The following WDFY2 variants were observed in gnomAD, a reference collection of about 807,000 sequenced individuals.
WDFY2 encodes the protein WD repeat and FYVE domain containing 2.
WDFY2 carries 36 observed loss-of-function variants against 56.4 expected under a neutral mutation model. That is an observed-to-expected ratio of 0.64 (90% CI 0.49 to 0.84). The LOEUF is 0.84. Ranked by LOEUF, WDFY2 falls within the 40% of genes least tolerant of loss-of-function variation. The probability of loss-of-function intolerance (pLI) is 0.00; values close to 1 mark genes in which losing one functional copy is unlikely to be tolerated. For missense variants in WDFY2, 444 were observed against 512.2 expected (o/e 0.87, Z 1.29); for synonymous variants, 176 against 183.7 (o/e 0.96, Z 0.34).
intron 1 of WDFY2, among the ~76,000 whole-genome samples, chr13:51,600,043 C>T (rs1308791521): frequency 1.3e-5 from 2 of 152,088 alleles, no homozygotes; most frequent in Admixed American, 6.5e-5. Context: ...AGCTGCATTC[C>T]CTTAGCACAC....
intron 1 of WDFY2, among the ~76,000 whole-genome samples, chr13:51,640,354 A>G (rs1955131848): frequency 6.6e-6 from 1 of 152,240 alleles, no homozygotes; most frequent in South Asian, 2.1e-4. Context: ...ATAGCAATAT[A>G]TCCGTCATGC....
At chr13:51,621,449 G>A (rs1350525194) in intron 1 of WDFY2, among the ~76,000 whole-genome samples, 1 of 152,212 alleles carries the variant, frequency 6.6e-6, no homozygotes, top group Non-Finnish European at 1.5e-5. Flanking sequence ...AGTTTGCAGT[G>A]AGCCAAGATC....
intron 1 of WDFY2, among the ~76,000 whole-genome samples, chr13:51,649,807 T>C (rs1268391597): frequency 3.9e-5 from 6 of 152,148 alleles, no homozygotes; most frequent in Non-Finnish European, 2.9e-5. Context: ...AACATGCTGT[T>C]TTGGTTACTG....
chr13:51,609,545 G>A (rs1954450078), intron 1 of WDFY2, among the ~76,000 whole-genome samples: 2 of 148,490 alleles, frequency 1.3e-5, no homozygotes, highest in Admixed American at 1.4e-4. Context: ...GATGCCTCCT[G>A]TATTTAAGGC....
At chr13:51,594,228 T>C (rs1954103397) in intron 1 of WDFY2, 1 of 152,236 alleles carries the variant, frequency 6.6e-6, no homozygotes, top group African/African-American at 2.4e-5. Context: ...TTTTTAATAA[T>C]TGAAATTTCT....
At chr13:51,707,294 G>A (rs1331480637) in intron 4 of WDFY2, among the ~76,000 whole-genome samples, 1 of 152,128 alleles carries the variant, frequency 6.6e-6, no homozygotes. Context: ...AAGTAGCTGG[G>A]ACTACAGGCG....
intron 1 of WDFY2, among the ~76,000 whole-genome samples, chr13:51,597,102 T>C (rs1954165980): frequency 6.6e-6 from 1 of 152,210 alleles, no homozygotes; most frequent in Non-Finnish European, 1.5e-5. Flanking sequence ...GTTTTCTTTT[T>C]AAAAATGTTC....
At chr13:51,632,260 A>G (rs1954966561) in intron 1 of WDFY2, among the ~76,000 whole-genome samples, 1 of 152,138 alleles carries the variant, frequency 6.6e-6, no homozygotes, top group Non-Finnish European at 1.5e-5. Flanking sequence ...AAGCTCTCCT[A>G]GGATGAGCAT....
At chr13:51,650,676 T>G (rs546886381) in intron 1 of WDFY2, among the ~76,000 whole-genome samples, 1 of 152,334 alleles carries the variant, frequency 6.6e-6, no homozygotes, top group African/African-American at 2.4e-5. Context: ...GATAATCATG[T>G]GGTTTTTATC....
At chr13:51,710,208 G>T (rs1479422203) in intron 4 of WDFY2, among the ~76,000 whole-genome samples, 2 of 152,170 alleles carry the variant, frequency 1.3e-5, no homozygotes, top group Non-Finnish European at 2.9e-5. Context: ...CTCAATAGAT[G>T]CAGAAAAGGC....
At chr13:51,606,264 G>T (rs1954383730) in intron 1 of WDFY2, among the ~76,000 whole-genome samples, 1 of 152,180 alleles carries the variant, frequency 6.6e-6, no homozygotes, top group Non-Finnish European at 1.5e-5. Context: ...GATTTTTGTT[G>T]AGGATTTTGT....
chr13:51,682,721 T>C (rs542983191), intron 3 of WDFY2, among the ~76,000 whole-genome samples: 1 of 152,246 alleles, frequency 6.6e-6, no homozygotes, highest in Admixed American at 6.5e-5. Flanking sequence ...CTTAGAACAG[T>C]CCCTGTATGT....
chr13:51,610,240 G>GTT lies in WDFY2; in HGVS notation c.137+25429_137+25430dup, dbSNP rs375729454. Among the ~76,000 whole-genome samples the GTT allele has an allele frequency of 9.4e-3, 1,006 of 106,820 alleles. 22 individuals carry two copies. The highest frequency in any genetic ancestry group is 0.036 in the Admixed American group (386 of 10,866). 70.1% of individuals were successfully genotyped at this position (106,820 alleles called of 152,430 possible). On this transcript the variant is annotated intron_variant, in intron 1 of 11. Coordinates refer to ENST00000298125, the MANE Select transcript of WDFY2 (RefSeq NM_052950.4). ...ATTTTGCTCCCAAACTTATTTGACTGTTTTTTTTTTTTTTGGGGGGCTAAA... is the reference window on the plus strand; with the variant it reads ...ATTTTGCTCCCAAACTTATTTGACTGTTTTTTTTTTTTTTTTGGGGGGCTAAA...
rs570645061 is a variant in WDFY2 at position 51,705,662 on chromosome 13, C to T, written c.334+2012C>T. On this transcript the variant is annotated intron_variant, in intron 4 of 11. Transcript: ENST00000298125. ...GACATTTTGATAGAGGCATGAAATA[C>T]ACAATAATCACGTAAGGGTAGATGG... Among the ~76,000 whole-genome samples the T allele has an allele frequency of 2.6e-5, 4 of 151,612 alleles. No homozygotes were observed. The East Asian group carries it at 7.7e-4, about 29-fold the overall frequency.
At chr13:51,666,073 G>A (rs1365788408) in intron 2 of WDFY2, among the ~76,000 whole-genome samples, 1 of 152,164 alleles carries the variant, frequency 6.6e-6, no homozygotes, top group Non-Finnish European at 1.5e-5. Context: ...AACGTTTAAA[G>A]TATAGGAACT....
At chr13:51,601,742 G>A (rs1340339049) in intron 1 of WDFY2, among the ~76,000 whole-genome samples, 5 of 152,108 alleles carry the variant, frequency 3.3e-5, no homozygotes, top group Non-Finnish European at 7.4e-5. Flanking sequence ...AGTGGGGAAG[G>A]GCACCCTGAT....
chr13:51,627,539 T>TC (rs1954859952), intron 1 of WDFY2, among the ~76,000 whole-genome samples: 1 of 151,978 alleles, frequency 6.6e-6, no homozygotes, highest in South Asian at 2.1e-4. Context: ...TGGCTAATTT[T>TC]TTTTTTTGTT....
At chr13:51,756,204 G>T in intron 9 of WDFY2, 128 bp from the exon 10 acceptor site, 1 of 1,351,536 alleles carries the variant, frequency 7.4e-7, no homozygotes, top group Non-Finnish European at 1.0e-6. Context: ...TTTAGTTCTG[G>T]GGCTCTCTTG....
At chr13:51,746,969 TC>T (rs1405930721) in intron 7 of WDFY2, among the ~76,000 whole-genome samples, 1 of 152,252 alleles carries the variant, frequency 6.6e-6, no homozygotes, top group African/African-American at 2.4e-5. Context: ...TCCAAGGAAA[TC>T]CTGACTCAAT....
Sources: allele counts gnomAD v4.1 joint callset (sites outside exome capture counted in the v4.1 genomes callset), GRCh38; gene constraint gnomAD v4.1.1; transcripts MANE v1.5; gene names NCBI Gene and HGNC (gene_info 2026-07-23, HGNC 2026-07-21).